Variants in MEIOSIN observed in about 807,000 individuals in gnomAD.
MEIOSIN encodes meiosis initiator protein.
In MEIOSIN, 18 loss-of-function variants were observed where a neutral mutation model predicts 23.4. The observed-to-expected ratio is 0.77, with a 90% CI of 0.53 to 1.14. The LOEUF (loss-of-function observed/expected upper bound fraction) is 1.14, where lower values mean the gene tolerates loss of function less well. Ranked by LOEUF, MEIOSIN falls within the 50% of genes most tolerant of loss-of-function variation. MEIOSIN has a pLI of 0.00. For synonymous variants in MEIOSIN, 187 were observed against 100.6 expected (o/e 1.86, Z -5.14); for missense variants, 428 against 242.9 (o/e 1.76, Z -5.07).
intron 11 of MEIOSIN, among the ~76,000 whole-genome samples, chr19:45,761,423 A>ATTTTTTTTT (rs35838022): frequency 3.3e-5 from 2 of 59,800 alleles, no homozygotes; most frequent in Non-Finnish European, 5.9e-5. Context: ...CGCCTGGCCT[A>ATTTTTTTTT]TTTTTTTTTT....
chr19:45,741,118 G>A (rs935234006), intron 3 of MEIOSIN, among the ~76,000 whole-genome samples: 2 of 152,070 alleles, frequency 1.3e-5, no homozygotes, highest in African/African-American at 4.8e-5. Context: ...AGGAGGCCAA[G>A]GCGGGCAGAT....
chr19:45,753,192 A>G (rs1021867509), intron 5 of MEIOSIN, among the ~76,000 whole-genome samples: 2 of 152,130 alleles, frequency 1.3e-5, no homozygotes, highest in Admixed American at 6.6e-5. Flanking sequence ...AGACGGGACA[A>G]TTAGGCCCAA....
intron 14 of MEIOSIN, among the ~76,000 whole-genome samples, chr19:45,763,766 C>A (rs1472413145): frequency 6.6e-6 from 1 of 152,238 alleles, no homozygotes; most frequent in Non-Finnish European, 1.5e-5. Flanking sequence ...GGAGCTGCCA[C>A]CTGCCCTGGC....
At position 45,754,644 on chromosome 19, in the gene MEIOSIN, C is replaced by A. The variant is rs1968782897; in HGVS notation, c.722C>A (p.Pro241His). The A allele has an allele frequency of 1.4e-6, 1 of 702,980 alleles. No homozygotes were observed. The highest frequency in any genetic ancestry group is 2.0e-5 in the Admixed American group (1 of 49,988). 43.5% of individuals were successfully genotyped at this position (702,980 alleles called of 1,614,324 possible). Residue 241 changes from proline to histidine, a missense_variant, in exon 7 of 15, where the codon CCT becomes CAT. By Grantham distance (77) the Pro-to-His change is moderately conservative. Coordinates refer to ENST00000457052, the MANE Select transcript of MEIOSIN (RefSeq NM_001310124.2). ...CGHPRPASSS[P>H]PGDRKGGQSQ... is the part of the protein sequence containing the mutation. Reference sequence around the variant, plus strand: ...CACCCGAGGCCTGCATCATCCTCACCTCCAGGTGACAGAAAAGGAGGACAG... The same window carrying A: ...CACCCGAGGCCTGCATCATCCTCACATCCAGGTGACAGAAAAGGAGGACAG...
chr19:45,751,204 G>A (rs954506804), intron 5 of MEIOSIN, among the ~76,000 whole-genome samples: 8 of 151,260 alleles, frequency 5.3e-5, no homozygotes, highest in Admixed American at 4.6e-4. Context: ...CCTGGGAGGC[G>A]GAGGTTGCTG....
At chr19:45,751,731 T>G (rs1159044464) in intron 5 of MEIOSIN, among the ~76,000 whole-genome samples, 1 of 106,004 alleles carries the variant, frequency 9.4e-6, no homozygotes, top group East Asian at 3.3e-4. Context: ...TGTTTCTTTC[T>G]TTCTTTTTTT....
chr19:45,738,607 A>G (rs1032815362), intron 2 of MEIOSIN, among the ~76,000 whole-genome samples: 1 of 152,226 alleles, frequency 6.6e-6, no homozygotes, highest in Non-Finnish European at 1.5e-5. Flanking sequence ...AGCAAGACTC[A>G]GTCTAAAAAA....
chr19:45,763,889 C>T (rs761038887), intron 14 of MEIOSIN, 82 bp from the exon 15 acceptor site: 6 of 398,246 alleles, frequency 1.5e-5, no homozygotes, highest in Admixed American at 8.8e-5. Context: ...CAGGCCCCTG[C>T]GGGGACACAG....
At chr19:45,759,926 CT>C (rs1326474421) in intron 11 of MEIOSIN, among the ~76,000 whole-genome samples, 1 of 152,030 alleles carries the variant, frequency 6.6e-6, no homozygotes, top group Non-Finnish European at 1.5e-5. Context: ...CTCAGCCCCC[CT>C]AGTAGCTGGG....
chr19:45,761,885 A>G lies in MEIOSIN; in HGVS notation c.1434+18A>G. 1.6e-6 allele frequency: 1 copy of G among 634,674 alleles called. No individual in the cohort carries two copies. The highest frequency in any genetic ancestry group is 1.8e-5 in the South Asian group (1 of 57,100). 39.3% of individuals were successfully genotyped at this position (634,674 alleles called of 1,614,324 possible). A position where few individuals can be genotyped will look rare whatever the true frequency, so the allele number is the denominator to read the frequency against. On this transcript the variant is annotated intron_variant, in intron 12 of 14. Transcript: ENST00000457052. ...AGCGAGAGGTGAGAGACACGGCCGC[A>G]TGCCAGGGCCAGCAGGGCCTCCTTC...
chr19:45,745,181 T>C lies in MEIOSIN; in HGVS notation c.177-11T>C. 1.4e-6 allele frequency: 1 copy of C among 702,290 alleles called. No individual in the cohort carries two copies. The highest frequency in any genetic ancestry group is 2.6e-6 in the Non-Finnish European group (1 of 384,778). 43.5% of individuals were successfully genotyped at this position (702,290 alleles called of 1,614,324 possible). A position where few individuals can be genotyped will look rare whatever the true frequency, so the allele number is the denominator to read the frequency against. On this transcript the variant is annotated splice_polypyrimidine_tract_variant and intron_variant, in intron 3 of 14. Coordinates refer to ENST00000457052, the MANE Select transcript of MEIOSIN (RefSeq NM_001310124.2). ...ATGTCCTAACCAAAACCAGCTCCTG[T>C]CCCCAAACAGGAATCAGAGGAACCA...
At chr19:45,735,634 T>G (rs1968396457) in intron 2 of MEIOSIN, among the ~76,000 whole-genome samples, 187 bp downstream of exon 2, 1 of 152,208 alleles carries the variant, frequency 6.6e-6, no homozygotes, top group South Asian at 2.1e-4. Context: ...ATTTTCCAGA[T>G]GAGAGTACTC....
chr19:45,757,791 G>A (rs917439489), intron 9 of MEIOSIN, among the ~76,000 whole-genome samples: 4 of 152,058 alleles, frequency 2.6e-5, no homozygotes, highest in Non-Finnish European at 5.9e-5. Flanking sequence ...AAAGTGTTGG[G>A]ATTACAGGCA....
intron 2 of MEIOSIN, among the ~76,000 whole-genome samples, chr19:45,735,835 C>T (rs1968400582): frequency 6.6e-6 from 1 of 152,062 alleles, no homozygotes; most frequent in Non-Finnish European, 1.5e-5. Context: ...TGCCTCCATG[C>T]CTGGCTAATT....
intron 4 of MEIOSIN, among the ~76,000 whole-genome samples, chr19:45,749,790 G>A (rs1480504729): frequency 2.0e-5 from 3 of 150,896 alleles, no homozygotes; most frequent in Non-Finnish European, 4.4e-5. Flanking sequence ...AGATCACAAG[G>A]TCAGGAGTTC....
chr19:45,748,575 C>G (rs1968636680), intron 4 of MEIOSIN, among the ~76,000 whole-genome samples: 1 of 152,162 alleles, frequency 6.6e-6, no homozygotes, highest in Admixed American at 6.5e-5. Context: ...GTGTAGCCCC[C>G]AAGCTAACCT....
At chr19:45,750,514 C>G (rs2146188148) in intron 4 of MEIOSIN, among the ~76,000 whole-genome samples, 161 bp from the exon 5 acceptor site, 1 of 152,214 alleles carries the variant, frequency 6.6e-6, no homozygotes. Context: ...CATGTGCCAC[C>G]ACACCCAGCT....
chr19:45,750,784 C>G lies in MEIOSIN; in HGVS notation c.416C>G (p.Ala139Gly). 1 of 605,336 alleles carries G rather than the reference C, an allele frequency of 1.7e-6. No individual in the cohort carries two copies. The highest frequency in any genetic ancestry group is 2.9e-6 in the Non-Finnish European group (1 of 344,346). The allele number at this position is 605,336 out of a possible 1,614,324, so 37.5% of individuals were successfully genotyped here. Reference sequence around the variant, plus strand: ...ATCACCACTGGGGAAGGTGGACTTGCGGGTAAGTAGTTCAGCCAGTGTTTC... The same window carrying G: ...ATCACCACTGGGGAAGGTGGACTTGGGGGTAAGTAGTTCAGCCAGTGTTTC... ...CHITTGEGGL[A>G]GLGQKPAWGP... is the part of the protein sequence containing the mutation. Residue 139 changes from alanine (A) to glycine (G), a missense_variant and splice_region_variant, in exon 5 of 15, where the codon GCG becomes GGG. Transcript: ENST00000457052.
chr19:45,761,284 C>T (rs888090975), intron 11 of MEIOSIN, among the ~76,000 whole-genome samples: 11 of 151,960 alleles, frequency 7.2e-5, no homozygotes, highest in Non-Finnish European at 1.6e-4. Context: ...ACCAACATAC[C>T]TGGCTAATTT....
Sources: allele counts gnomAD v4.1 joint callset (sites outside exome capture counted in the v4.1 genomes callset), GRCh38; gene constraint gnomAD v4.1.1; transcripts MANE v1.5; gene names NCBI Gene and HGNC (gene_info 2026-07-23, HGNC 2026-07-21).